The following TJP2 variants were observed in gnomAD, a reference collection of about 807,000 sequenced individuals.
TJP2 encodes the protein tight junction protein 2.
In TJP2, 91 loss-of-function variants were observed where a neutral mutation model predicts 133.1. That is an observed-to-expected ratio of 0.68 (90% CI 0.58 to 0.81). The LOEUF is 0.81. TJP2 is among the 40% of genes least tolerant of loss of function. The pLI is 0.00. For synonymous variants in TJP2, 592 were observed against 583.4 expected (o/e 1.01, Z -0.21); for missense variants, 1,541 against 1,565.6 (o/e 0.98, Z 0.26).
rs772316354 is a variant in TJP2 at position 69,220,946 on chromosome 9, T to C, written c.402T>C (p.Asp134=). 1 of 1,612,768 alleles carries C rather than the reference T, an allele frequency of 6.2e-7. No individual in the cohort carries two copies. Among genetic ancestry groups the C allele is most frequent in the Non-Finnish European group, 8.5e-7 (1 of 1,179,992 alleles). Reference sequence around the variant, plus strand: ...CACTTCAGGCCAGCCCTCCCCTGGATCAGGATGACCGGGCTTTTGAGGTGA... The same window carrying C: ...CACTTCAGGCCAGCCCTCCCCTGGACCAGGATGACCGGGCTTTTGAGGTGA... ...VAALQASPPL[D]QDDRAFEVMD... is the part of the protein sequence containing the mutation. Residue 134 remains aspartate (D), a synonymous_variant, in exon 5 of 23, where the codon GAT becomes GAC. Transcript: ENST00000377245.
At chr9:69,174,539 C>A in intron 1 of TJP2, 107 bp downstream of exon 1, 1 of 1,291,944 alleles carries the variant, frequency 7.7e-7, no homozygotes, top group Non-Finnish European at 1.1e-6. Context: ...CCCCGATGCG[C>A]CGTAGGAAGC....
chr9:69,229,519 C>T (rs1360116311), intron 10 of TJP2, among the ~76,000 whole-genome samples: 1 of 152,162 alleles, frequency 6.6e-6, no homozygotes, highest in Admixed American at 6.5e-5. Flanking sequence ...TGAATATTTG[C>T]GTTTGTCAGA....
chr9:69,137,259 TTC>T (rs1822789954), intron 1 of TJP2, among the ~76,000 whole-genome samples: 5 of 57,254 alleles, frequency 8.7e-5, no homozygotes, highest in African/African-American at 2.1e-4. Flanking sequence ...CTTTCTTTCT[TTC>T]TTTCTTTCTT....
intron 1 of TJP2, among the ~76,000 whole-genome samples, chr9:69,209,173 C>G (rs1055547276): frequency 2.0e-5 from 3 of 152,144 alleles, no homozygotes; most frequent in African/African-American, 7.2e-5. Flanking sequence ...GAGACAGAGT[C>G]TCACTCTGGA....
At chr9:69,151,767 G>A (rs913624118) in exon 2 of TJP2, 1 of 1,231,986 alleles carries the variant, frequency 8.1e-7, no homozygotes, top group African/African-American at 1.6e-5. Context: ...GGCCCACGTT[G>A]CCAGGTATTT....
chr9:69,153,015 A>G (rs1265470534), intron 2 of TJP2, among the ~76,000 whole-genome samples: 2 of 150,648 alleles, frequency 1.3e-5, no homozygotes, highest in Non-Finnish European at 3.0e-5. Flanking sequence ...CTTGAGGCCA[A>G]GAGTTTGAAA....
In TJP2 at chr9:69,254,864, TTGAAGCTTTAGGCAGAG is replaced by T; in HGVS notation, c.*491_*507del. ...GAGAAGTGTCTTAAATTTTCTTCCT[TTGAAGCTTTAGGCAGAG>T]CCATAATGGACTAAAACATTTTGAC... On this transcript the variant is annotated 3_prime_UTR_variant, in exon 23 of 23. Transcript: ENST00000377245. 9.2e-6 allele frequency: 4 copies of T among 435,768 alleles called. No homozygotes were observed. Among genetic ancestry groups the T allele is most frequent in the Non-Finnish European group, 1.6e-5 (4 of 248,264 alleles). The allele number at this position is 435,768 out of a possible 1,614,324, so 27.0% of individuals were successfully genotyped here. A position where few individuals can be genotyped will look rare whatever the true frequency, so the allele number is the denominator to read the frequency against.
intron 1 of TJP2, among the ~76,000 whole-genome samples, chr9:69,181,425 T>C (rs1825502573): frequency 6.6e-6 from 1 of 152,058 alleles, no homozygotes; most frequent in Admixed American, 6.6e-5. Context: ...ATTTTTTGTA[T>C]CTTTGGTAGA....
chr9:69,166,291 C>G (rs573237047), intron 2 of TJP2, among the ~76,000 whole-genome samples: 2 of 152,022 alleles, frequency 1.3e-5, no homozygotes, highest in East Asian at 2.0e-4. Context: ...TTGTAGAGAT[C>G]AGGTCTTGCT....
At chr9:69,216,203 A>G (rs1313699702) in intron 2 of TJP2, 136 bp from the exon 3 acceptor site, 17 of 1,064,860 alleles carry the variant, frequency 1.6e-5, no homozygotes, top group African/African-American at 1.6e-4. Flanking sequence ...TTTGTTTCTC[A>G]TTTGTTTCTG....
chr9:69,176,963 G>T (rs2132955618), intron 1 of TJP2, among the ~76,000 whole-genome samples: 1 of 152,246 alleles, frequency 6.6e-6, no homozygotes, highest in African/African-American at 2.4e-5. Context: ...ATGAAGTTTG[G>T]GTGTGGTGGG....
At chr9:69,157,469 G>GT (rs1823828272) in intron 2 of TJP2, among the ~76,000 whole-genome samples, 1 of 126,860 alleles carries the variant, frequency 7.9e-6, no homozygotes, top group Non-Finnish European at 1.8e-5. Context: ...CTGCAGAGTT[G>GT]GTTTTTTTTT....
At chr9:69,197,331 A>G (rs963607605) in intron 1 of TJP2, among the ~76,000 whole-genome samples, 12 of 152,188 alleles carry the variant, frequency 7.9e-5, no homozygotes, top group Admixed American at 2.6e-4. Flanking sequence ...TTGTTGAGTA[A>G]CAGTTCATTG....
chr9:69,175,245 T>G (rs529517939), intron 1 of TJP2, among the ~76,000 whole-genome samples: 9 of 152,290 alleles, frequency 5.9e-5, no homozygotes, highest in Admixed American at 4.6e-4. Context: ...TGAGTAATGA[T>G]GGTTGTGGTT....
At chr9:69,123,244 G>T in intron 1 of TJP2, among the ~76,000 whole-genome samples, 2 of 16,586 alleles carry the variant, frequency 1.2e-4, no homozygotes, top group Non-Finnish European at 1.7e-4. Flanking sequence ...CTGCACCCCA[G>T]GGTGACAGGA....
chr9:69,138,501 T>G (rs1167163083), intron 1 of TJP2, among the ~76,000 whole-genome samples: 2 of 149,552 alleles, frequency 1.3e-5, no homozygotes, highest in Non-Finnish European at 3.0e-5. Context: ...GGACCATGGC[T>G]TATGCTTGTA....
chr9:69,130,638 G>C lies in TJP2; in HGVS notation c.-131+8913G>C, dbSNP rs950526165. On this transcript the variant is annotated intron_variant, in intron 1 of 5. Coordinates refer to the TJP2 transcript ENST00000423935. ...TGGAACTTGCATGACGGAAGGGGCC[G>C]GGCTTGAGGCTGGTCTGGGCATCCT... 2.0e-5 allele frequency among the ~76,000 whole-genome samples: 3 copies of C among 152,110 alleles called. No homozygotes were observed. In the East Asian group the frequency reaches 5.8e-4, roughly 29 times the overall value.
chr9:69,162,035 A>G (rs983688856), intron 2 of TJP2, among the ~76,000 whole-genome samples: 15 of 149,566 alleles, frequency 1.0e-4, no homozygotes, highest in African/African-American at 3.7e-4. Context: ...CAAGAGCAAA[A>G]ACTCCATCTC....
chr9:69,229,070 G>A, intron 9 of TJP2, 114 bp from the exon 10 acceptor site: 2 of 943,706 alleles, frequency 2.1e-6, no homozygotes, highest in Non-Finnish European at 1.7e-6. Flanking sequence ...CTTTTTGTTT[G>A]TGGTGACATA....
Sources: allele counts gnomAD v4.1 joint callset (sites outside exome capture counted in the v4.1 genomes callset), GRCh38; gene constraint gnomAD v4.1.1; transcripts MANE v1.5; gene names NCBI Gene and HGNC (gene_info 2026-07-23, HGNC 2026-07-21).